ATG16L2: variants seen among roughly 807,000 people sequenced by gnomAD.
ATG16L2 encodes protein Atg16l2.
Under a neutral mutation model 84.7 loss-of-function variants are expected in ATG16L2, and 77 were observed. That is an observed-to-expected ratio of 0.91 (90% CI 0.76 to 1.10). The LOEUF is 1.10. Among genes scored for constraint, ATG16L2 ranks in the 50% least tolerant of loss-of-function variants. The pLI, the probability that ATG16L2 is intolerant of heterozygous loss-of-function variation, is 0.00. For missense variants in ATG16L2, 782 were observed against 817.6 expected, an observed-to-expected ratio of 0.96 and a Z score of 0.53; for synonymous variants, 361 against 342.8, an observed-to-expected ratio of 1.05 and a Z score of -0.59.
At chr11:72,832,318 G>A (rs1014675424), downstream of ATG16L2, among the ~76,000 whole-genome samples, 3 of 152,154 alleles carry the variant, frequency 2.0e-5, no homozygotes, top group African/African-American at 4.8e-5. Flanking sequence ...GCCATCGGGT[G>A]GAGTTGCCTC....
At chr11:72,829,773 A>T, downstream of ATG16L2, 2 of 363,366 alleles carry the variant, frequency 5.5e-6, no homozygotes, top group Non-Finnish European at 7.8e-6. Flanking sequence ...CTGCAGAGAC[A>T]GGTGCTGCTC....
chr11:72,831,578 T>G (rs1860607762), downstream of ATG16L2, among the ~76,000 whole-genome samples: 3 of 152,282 alleles, frequency 2.0e-5, no homozygotes, highest in South Asian at 6.2e-4. Context: ...TCCAACATTC[T>G]TCGATACTCA....
intron 5 of ATG16L2, chr11:72,841,069 G>A: frequency 1.3e-6 from 1 of 779,060 alleles, no homozygotes; most frequent in Non-Finnish European, 2.2e-6. Context: ...TTGGGATACT[G>A]AGGCGGGAGG....
At position 72,822,556 on chromosome 11, in the gene ATG16L2, A is replaced by T. The variant is rs767819746; in HGVS notation, c.710+13A>T. The T allele has an allele frequency of 6.2e-7, 1 of 1,611,692 alleles. No individual in the cohort carries two copies. ...TGAGCATCAGCGAGTAAGAGTGGGGATGGGCCGGTCCGACCCTTGCGTTCT... is the reference window on the plus strand; with the variant it reads ...TGAGCATCAGCGAGTAAGAGTGGGGTTGGGCCGGTCCGACCCTTGCGTTCT... On this transcript the variant is annotated intron_variant, in intron 6 of 17. Transcript: ENST00000321297. This position sits in a 1 kb window ranked among gnomAD's most constrained non-coding sequence, Gnocchi z 4.2.
At position 72,822,250 on chromosome 11, in the gene ATG16L2, C is replaced by A; in HGVS notation, c.599C>A (p.Ala200Glu). Residue 200 changes from alanine to glutamate, a missense_variant, in exon 5 of 18, where the codon GCG becomes GAG. Transcript: ENST00000321297. This position sits in a 1 kb window ranked among gnomAD's most constrained non-coding sequence, Gnocchi z 4.2. ...DLLERLVQRK[A>E]RAAAERNLRN... The stretch of plus-strand genomic sequence containing the variant: ...CTGGAGAGGCTCGTGCAGCGCAAGG[C>A]GCGCGCCGCGGCCGAGCGCAACCTG... 6.7e-7 allele frequency: 1 copy of A among 1,498,406 alleles called. No individual in the cohort carries two copies. The allele number at this position is 1,498,406 out of a possible 1,614,324, so 92.8% of individuals were successfully genotyped here.
At chr11:72,838,802 T>G (rs551040655) in intron 5 of ATG16L2, 1 of 1,603,274 alleles carries the variant, frequency 6.2e-7, no homozygotes, top group Non-Finnish European at 8.5e-7. Flanking sequence ...CACACCAGTG[T>G]GATTTCCACA....
intron 2 of ATG16L2, among the ~76,000 whole-genome samples, chr11:72,817,526 G>A (rs1387594075): frequency 1.3e-5 from 2 of 152,222 alleles, no homozygotes; most frequent in Non-Finnish European, 2.9e-5. Flanking sequence ...ACTGGGAGGT[G>A]CTTCTTGAGA....
At chr11:72,829,714 C>G (rs984394184), downstream of ATG16L2, 30 of 928,194 alleles carry the variant, frequency 3.2e-5, no homozygotes, top group Admixed American at 1.5e-4. Context: ...CCAGGCTTGG[C>G]CCCCTTCCTC....
intron 10 of ATG16L2, 62 bp from the exon 11 acceptor site, chr11:72,826,111 A>C: frequency 7.2e-7 from 1 of 1,397,774 alleles, no homozygotes; most frequent in Non-Finnish European, 1.0e-6. Flanking sequence ...TCTCAATCCC[A>C]ATTCCTCCAT....
Position 72,814,426 on chromosome 11 carries a change from C to T in ATG16L2, c.-20C>T. 1 of 1,427,486 alleles carries T rather than the reference C, an allele frequency of 7.0e-7. No individual in the cohort carries two copies. Among genetic ancestry groups the T allele is most frequent in the Non-Finnish European group, 9.3e-7 (1 of 1,079,584 alleles). 88.4% of individuals were successfully genotyped at this position (1,427,486 alleles called of 1,614,324 possible). ...CGTCCTGGGCGGGAGGAACGCGCCGCTAGGCGGGAGAGCGCGGCCATGGCG... is the reference window on the plus strand; with the variant it reads ...CGTCCTGGGCGGGAGGAACGCGCCGTTAGGCGGGAGAGCGCGGCCATGGCG... On this transcript the variant is annotated 5_prime_UTR_variant, in exon 1 of 18. Coordinates refer to ENST00000321297, the MANE Select transcript of ATG16L2 (RefSeq NM_033388.2).
At chr11:72,815,154 G>A (rs79332493) in intron 1 of ATG16L2, among the ~76,000 whole-genome samples, 1,996 of 152,356 alleles carry the variant, frequency 0.013, 43 homozygotes, top group African/African-American at 0.044. Flanking sequence ...GCCCAGCGAA[G>A]TCGGACTCTC....
chr11:72,816,573 C>T (rs1859709787), intron 1 of ATG16L2, among the ~76,000 whole-genome samples, 155 bp from the exon 2 acceptor site: 1 of 152,240 alleles, frequency 6.6e-6, no homozygotes, highest in Non-Finnish European at 1.5e-5. Context: ...TGCACAGATG[C>T]CCCTCAGGCA....
intron 17 of ATG16L2, 79 bp downstream of exon 17, chr11:72,829,063 C>T: frequency 6.9e-7 from 1 of 1,440,082 alleles, no homozygotes; most frequent in Non-Finnish European, 9.7e-7. Flanking sequence ...TACTGGGACC[C>T]TGGAGTCCCC....
chr11:72,835,373 GAGGCAGGAGAGGTGGTGGTGAGAAA>G lies in ATG16L2; in HGVS notation c.*21+6620_*21+6644del, dbSNP rs1187006748. ...GTTCTGGAGGGAAGGACACTGAGAAGAGGCAGGAGAGGTGGTGGTGAGAAAAGGCAGGAGAGGTGGTGGTGAGGAG... is the reference window on the plus strand; with the variant it reads ...GTTCTGGAGGGAAGGACACTGAGAAGAGGCAGGAGAGGTGGTGGTGAGGAG... On this transcript the variant is annotated intron_variant, in intron 5 of 5. Coordinates refer to the ATG16L2 transcript ENST00000534905. Among the ~76,000 whole-genome samples, 111 of 152,288 alleles carry G rather than the reference GAGGCAGGAGAGGTGGTGGTGAGAAA, an allele frequency of 7.3e-4. 1 individual carries two copies. In the East Asian group the frequency reaches 0.011, roughly 15 times the overall value.
rs71477744 is a variant in ATG16L2 at position 72,823,911 on chromosome 11, G to C, written c.825-149G>C. 7.6e-3 allele frequency: 6,645 copies of C among 872,436 alleles called. 35 individuals carry two copies. Among genetic ancestry groups the C allele is most frequent in the Non-Finnish European group, 0.011 (5,558 of 506,878 alleles). The allele number at this position is 872,436 out of a possible 1,614,324, so 54.0% of individuals were successfully genotyped here. ...TCCTGGGACTGATCTGGGTCACCCTGGTCTCCTGATCTTGGAGAAGTCAAG... is the reference window on the plus strand; with the variant it reads ...TCCTGGGACTGATCTGGGTCACCCTCGTCTCCTGATCTTGGAGAAGTCAAG... On this transcript the variant is annotated intron_variant, in intron 7 of 17. Coordinates refer to ENST00000321297, the MANE Select transcript of ATG16L2 (RefSeq NM_033388.2).
At position 72,822,600 on chromosome 11, in the gene ATG16L2, C is replaced by G; in HGVS notation, c.710+57C>G. 6.3e-7 allele frequency: 1 copy of G among 1,588,844 alleles called. No individual in the cohort carries two copies. Among genetic ancestry groups the G allele is most frequent in the Non-Finnish European group, 8.6e-7 (1 of 1,167,952 alleles). On this transcript the variant is annotated intron_variant, in intron 6 of 17. Transcript: ENST00000321297. The surrounding 1 kb of genome is among the most constrained non-coding windows in gnomAD (Gnocchi z 4.2). Reference sequence around the variant, plus strand: ...GCGTTCTGCCTCCCGCCCCGCCTGCCTGCGGCGACCCAGGCTGCCGACTGT... The same window carrying G: ...GCGTTCTGCCTCCCGCCCCGCCTGCGTGCGGCGACCCAGGCTGCCGACTGT...
chr11:72,828,086 C>A (rs1860470028), intron 14 of ATG16L2, among the ~76,000 whole-genome samples: 1 of 152,212 alleles, frequency 6.6e-6, no homozygotes, highest in Non-Finnish European at 1.5e-5. Context: ...GACGAGACTT[C>A]ATTGCTCAGA....
chr11:72,823,594 G>A (rs766890535), intron 7 of ATG16L2: 25 of 427,550 alleles, frequency 5.8e-5, no homozygotes, highest in Admixed American at 1.1e-4. Context: ...TGAAGAAACC[G>A]TGGGGAGGGG....
intron 3 of ATG16L2, among the ~76,000 whole-genome samples, chr11:72,820,894 C>T (rs925423190): frequency 6.6e-6 from 1 of 152,130 alleles, no homozygotes; most frequent in Non-Finnish European, 1.5e-5. Context: ...TGACCCTCAC[C>T]CACTCTCCTG....
Sources: allele counts gnomAD v4.1 joint callset (sites outside exome capture counted in the v4.1 genomes callset), GRCh38; gene constraint gnomAD v4.1.1; non-coding constraint Gnocchi (gnomAD v3.1); transcripts MANE v1.5; gene names NCBI Gene and HGNC (gene_info 2026-07-23, HGNC 2026-07-21).